Variants in FLNB observed in about 807,000 individuals in gnomAD.
FLNB encodes filamin-B.
Under a neutral mutation model 250.6 loss-of-function variants are expected in FLNB, and 111 were observed. The ratio of observed to expected loss-of-function variants is 0.44; its 90% CI spans 0.38 to 0.52. FLNB has a LOEUF of 0.52. Ranked by LOEUF, FLNB falls within the 20% of genes least tolerant of loss-of-function variation. The pLI is 0.00. For synonymous variants in FLNB, 1,302 were observed against 1,372.1 expected (o/e 0.95, Z 1.13); for missense variants, 2,869 against 3,447.8 (o/e 0.83, Z 4.20).
At chr3:58,084,334 G>C (rs922294881) in intron 4 of FLNB, among the ~76,000 whole-genome samples, 2 of 152,124 alleles carry the variant, frequency 1.3e-5, no homozygotes, top group African/African-American at 4.8e-5. Context: ...AACCAGATTG[G>C]TCAAATGGAC....
chr3:58,111,893 C>A lies in FLNB; in HGVS notation c.2575+12C>A, dbSNP rs750560502. Reference sequence around the variant, plus strand: ...GCTCAGCAAAGCAGGTAAGATGGCACGTCTAGGTTGTCCTGGGCCCCTCTG... The same window carrying A: ...GCTCAGCAAAGCAGGTAAGATGGCAAGTCTAGGTTGTCCTGGGCCCCTCTG... On this transcript the variant is annotated intron_variant, in intron 17 of 45. Transcript: ENST00000295956. 2.5e-6 allele frequency: 4 copies of A among 1,608,880 alleles called. No individual in the cohort carries two copies. The highest frequency in any genetic ancestry group is 2.6e-6 in the Non-Finnish European group (3 of 1,175,280).
In FLNB at chr3:58,123,444, G is replaced by T; in HGVS notation, c.3478G>T (p.Glu1160Ter). The change falls in exon 21 of 46, where the codon GAA (glutamate) becomes TAA (stop). Residue 1160 changes from glutamate (E) to a stop codon, truncating the protein, a stop_gained. Transcript: ENST00000295956. LOFTEE classifies it high-confidence loss of function. ...TGGCCTCCTTAGCGTCGACTGCTCG[G>T]AAGCGGGACCGGGGGCCCTGGGCCT... ...EAGLLSVDCS[E>*]AGPGALGLEA... 1 of 1,611,102 alleles carries T rather than the reference G, an allele frequency of 6.2e-7. No homozygotes were observed. Among genetic ancestry groups the T allele is most frequent in the South Asian group, 1.1e-5 (1 of 90,966 alleles).
chr3:58,149,470 G>T (rs1027455526), intron 36 of FLNB: 1 of 317,888 alleles, frequency 3.1e-6, no homozygotes, highest in Non-Finnish European at 6.0e-6. Context: ...GTAGCCAGGG[G>T]CTATTTAAAA....
intron 41 of FLNB, among the ~76,000 whole-genome samples, chr3:58,157,935 A>G (rs1004372670): frequency 6.6e-6 from 1 of 152,246 alleles, no homozygotes; most frequent in Non-Finnish European, 1.5e-5. Context: ...GTTCATCAGC[A>G]TCGCCCCCTG....
Position 58,169,490 on chromosome 3 carries a change from T to C in FLNB, c.7418-100T>C, listed in dbSNP as rs1440104309. The C allele has an allele frequency of 1.1e-6, 1 of 936,240 alleles. No individual in the cohort carries two copies. The highest frequency in any genetic ancestry group is 1.8e-6 in the Non-Finnish European group (1 of 565,344). The allele number at this position is 936,240 out of a possible 1,614,324, so 58.0% of individuals were successfully genotyped here. ...GGCTTTTGTGTTGGGGTGCGCGGGC[T>C]CTCCTGGGGTTACTGTGTAGGGTAC... On this transcript the variant is annotated intron_variant, in intron 44 of 45. Transcript: ENST00000295956. The surrounding 1 kb of genome is among the most constrained non-coding windows in gnomAD (Gnocchi z 4.8).
At chr3:58,104,471 G>C (rs146032960) in intron 10 of FLNB, among the ~76,000 whole-genome samples, 2 of 152,348 alleles carry the variant, frequency 1.3e-5, no homozygotes, top group African/African-American at 4.8e-5. Context: ...CCGTCTACGT[G>C]AGTGCTGTCA....
chr3:58,078,995 G>T (rs751305617), intron 3 of FLNB, among the ~76,000 whole-genome samples, 181 bp downstream of exon 3: 1 of 152,166 alleles, frequency 6.6e-6, no homozygotes, highest in African/African-American at 2.4e-5. Flanking sequence ...ATTGACTCAG[G>T]TGCTTATAGA....
At chr3:58,027,322 CT>C (rs5849231) in intron 1 of FLNB, among the ~76,000 whole-genome samples, 109,559 of 147,062 alleles carry the variant, frequency 0.74, 41,487 homozygotes, top group East Asian at 0.94. Context: ...CCAGCTAATT[CT>C]TTTTTTTTTT....
chr3:58,098,007 C>G, intron 7 of FLNB, 30 bp downstream of exon 7: 1 of 1,612,030 alleles, frequency 6.2e-7, no homozygotes. Flanking sequence ...TGGATCTGAC[C>G]TTTGCGCTTT....
rs921137283 is a variant in FLNB, at chr3:58,050,280, G to A, written c.293-26766G>A. On this transcript the variant is annotated intron_variant, in intron 1 of 45. Transcript: ENST00000295956. The stretch of plus-strand genomic sequence containing the variant: ...CTTGACCTCGTTATCCACCCGCCTC[G>A]GCCTCCCAAAGTGCTGGGATTACAG... Among the ~76,000 whole-genome samples the A allele has an allele frequency of 7.2e-5, 11 of 152,058 alleles. No individual in the cohort carries two copies. The South Asian group carries it at 8.3e-4, about 12-fold the overall frequency.
chr3:58,072,103 C>G (rs34859978), intron 1 of FLNB, among the ~76,000 whole-genome samples: 9 of 151,994 alleles, frequency 5.9e-5, no homozygotes, highest in South Asian at 2.1e-4. Context: ...GAAAAGAAAA[C>G]AAAACTAAAC....
At chr3:58,067,393 T>C (rs1454953880) in intron 1 of FLNB, among the ~76,000 whole-genome samples, 1 of 152,158 alleles carries the variant, frequency 6.6e-6, no homozygotes, top group Admixed American at 6.5e-5. Flanking sequence ...TTTGTGATCT[T>C]TGAGTAGTTC....
intron 32 of FLNB, among the ~76,000 whole-genome samples, chr3:58,144,557 G>A (rs967980352): frequency 2.0e-5 from 3 of 152,152 alleles, no homozygotes; most frequent in Non-Finnish European, 2.9e-5. Flanking sequence ...GTGTTGCTGC[G>A]CAAATCGACT....
intron 39 of FLNB, 197 bp from the exon 40 acceptor site, chr3:58,154,594 G>T: frequency 1.7e-6 from 1 of 575,504 alleles, no homozygotes; most frequent in Non-Finnish European, 3.1e-6. Flanking sequence ...GATGTCCTGT[G>T]AATTTAGTTA....
rs140433462 is a variant in FLNB at position 58,108,044 on chromosome 3, C to T, written c.1942-414C>T. On this transcript the variant is annotated intron_variant, in intron 12 of 45. Coordinates refer to ENST00000295956, the MANE Select transcript of FLNB (RefSeq NM_001457.4). Reference sequence around the variant, plus strand: ...ACAGGGGTTTCCAATATTTTGCCTTCCCTGGGCCACACTGGAAGGAGAAGA... The same window carrying T: ...ACAGGGGTTTCCAATATTTTGCCTTTCCTGGGCCACACTGGAAGGAGAAGA... 2.4e-3 allele frequency among the ~76,000 whole-genome samples: 368 copies of T among 152,174 alleles called. 1 individual carries two copies. Among genetic ancestry groups the T allele is most frequent in the African/African-American group, 8.6e-3 (359 of 41,506 alleles).
At chr3:58,047,431 G>C (rs907385211) in intron 1 of FLNB, among the ~76,000 whole-genome samples, 1 of 152,050 alleles carries the variant, frequency 6.6e-6, no homozygotes, top group South Asian at 2.1e-4. Flanking sequence ...GGCTGGTCTG[G>C]AAACCCTCAC....
rs2097328473 is a variant in FLNB at position 58,142,305 on chromosome 3, C to G, written c.5182-345C>G. Among the ~76,000 whole-genome samples, 1 of 152,204 alleles carries G rather than the reference C, an allele frequency of 6.6e-6. No homozygotes were observed. Among genetic ancestry groups the G allele is most frequent in the Non-Finnish European group, 1.5e-5 (1 of 68,026 alleles). Reference sequence around the variant, plus strand: ...CTACTCTCTGCCACTTAAAATGCACCTTCTTTTCCAGGCCACAAGCAACTA... The same window carrying G: ...CTACTCTCTGCCACTTAAAATGCACGTTCTTTTCCAGGCCACAAGCAACTA... On this transcript the variant is annotated intron_variant, in intron 30 of 45. Transcript: ENST00000295956. The surrounding 1 kb of genome is among the most constrained non-coding windows in gnomAD (Gnocchi z 4.3).
chr3:58,028,296 A>G (rs2097126150), intron 1 of FLNB, among the ~76,000 whole-genome samples: 1 of 152,184 alleles, frequency 6.6e-6, no homozygotes, highest in Non-Finnish European at 1.5e-5. Context: ...ACAAACGAAG[A>G]TCGAACAGGC....
chr3:58,129,947 T>C (rs2097304093), intron 24 of FLNB, among the ~76,000 whole-genome samples: 1 of 152,182 alleles, frequency 6.6e-6, no homozygotes, highest in African/African-American at 2.4e-5. Flanking sequence ...CTATCTCCTC[T>C]CCTCGACTCC....
Sources: allele counts gnomAD v4.1 joint callset (sites outside exome capture counted in the v4.1 genomes callset), GRCh38; gene constraint gnomAD v4.1.1; non-coding constraint Gnocchi (gnomAD v3.1); transcripts MANE v1.5; gene names NCBI Gene and HGNC (gene_info 2026-07-23, HGNC 2026-07-21).